Variants in CLPTM1L observed in about 807,000 individuals in gnomAD.
CLPTM1L encodes the protein CLPTM1 like, also known as lipid scramblase CLPTM1L.
In CLPTM1L, 38 loss-of-function variants were observed where a neutral mutation model predicts 70.9. The observed-to-expected ratio is 0.54, with a 90% CI of 0.41 to 0.70. The LOEUF (loss-of-function observed/expected upper bound fraction) is 0.70. Among genes scored for constraint, CLPTM1L ranks in the 30% least tolerant of loss-of-function variants. The probability of loss-of-function intolerance (pLI) is 0.00; values close to 1 mark genes in which losing one functional copy is unlikely to be tolerated. For missense variants in CLPTM1L, 652 were observed against 705.9 expected (o/e 0.92, Z 0.87); for synonymous variants, 339 against 299.9 (o/e 1.13, Z -1.35).
At chr5:1,334,727 C>A (rs1486528263) in intron 6 of CLPTM1L, among the ~76,000 whole-genome samples, 2 of 152,084 alleles carry the variant, frequency 1.3e-5, no homozygotes, top group African/African-American at 4.8e-5. Flanking sequence ...GCACTCCAGC[C>A]TGGGCAACAG....
intron 7 of CLPTM1L, among the ~76,000 whole-genome samples, chr5:1,333,619 T>G (rs1217032871): frequency 7.8e-5 from 9 of 115,984 alleles, no homozygotes; most frequent in Admixed American, 1.0e-4. Context: ...GACTATTGTA[T>G]ACACACCAGA....
intron 5 of CLPTM1L, among the ~76,000 whole-genome samples, chr5:1,336,106 T>C (rs467095): frequency 0.49 from 74,736 of 152,096 alleles, 20,140 homozygotes; most frequent in African/African-American, 0.71. Flanking sequence ...GCGCCCCACG[T>C]AGCCAAGTGG....
chr5:1,340,253 C>T (rs1753856467), intron 3 of CLPTM1L, among the ~76,000 whole-genome samples: 2 of 152,354 alleles, frequency 1.3e-5, no homozygotes, highest in South Asian at 4.1e-4. Flanking sequence ...AGGGCTCACA[C>T]AGCCCTGTGG....
At position 1,320,669 on chromosome 5, in the gene CLPTM1L, C is replaced by T. The variant is rs369802425; in HGVS notation, c.1479G>A (p.Arg493=). The T allele has an allele frequency of 2.6e-6, 4 of 1,548,006 alleles. No individual in the cohort carries two copies. The highest frequency in any genetic ancestry group is 3.5e-6 in the Non-Finnish European group (4 of 1,145,246). The change falls in exon 16 of 17, where the codon CGG becomes CGA. Residue 493 remains arginine (R), a synonymous_variant. Coordinates refer to ENST00000320895, the MANE Select transcript of CLPTM1L (RefSeq NM_030782.5). ...CCACGTCGTCCCGGAAGCAGGCCAGCCGGTGAGACGTGGGCATGGTGATGA... is the reference window on the plus strand; with the variant it reads ...CCACGTCGTCCCGGAAGCAGGCCAGTCGGTGAGACGTGGGCATGGTGATGA... The part of the protein sequence containing the change: ...AFIITMPTSH[R]LACFRDDVVF...
intron 5 of CLPTM1L, 150 bp from the exon 6 acceptor site, chr5:1,335,324 C>G (rs1753503989): frequency 1.5e-6 from 1 of 680,604 alleles, no homozygotes; most frequent in Non-Finnish European, 2.6e-6. Context: ...CCCGGTCCCT[C>G]CTTCTGTCAC....
At chr5:1,325,319 T>C in intron 10 of CLPTM1L, 1 of 250,496 alleles carries the variant, frequency 4.0e-6, no homozygotes, top group African/African-American at 2.2e-5. Flanking sequence ...GCCCCAGCCC[T>C]CATCTGCCTA....
At chr5:1,344,657 C>T (rs755813518) in intron 1 of CLPTM1L, 23 bp downstream of exon 1, 57 of 1,542,528 alleles carry the variant, frequency 3.7e-5, no homozygotes, top group Non-Finnish European at 4.6e-5. Flanking sequence ...ACCCGCCCGG[C>T]CCCCGGCCCC....
intron 9 of CLPTM1L, among the ~76,000 whole-genome samples, chr5:1,329,070 A>G (rs1752892974): frequency 6.6e-6 from 1 of 152,254 alleles, no homozygotes; most frequent in African/African-American, 2.4e-5. Flanking sequence ...CACCAACTGC[A>G]GAGACCTCAG....
Position 1,318,307 on chromosome 5 carries a change from G to T in CLPTM1L, c.*62C>A. ...GCAATGTCTAGGAATTCCTCCAAAT[G>T]CTTCCAAAAATACTCATTGACAATT... On this transcript the variant is annotated 3_prime_UTR_variant, in exon 17 of 17. Transcript: ENST00000320895. The surrounding 1 kb of genome is among the most constrained non-coding windows in gnomAD (Gnocchi z 8.9). 2 of 1,333,778 alleles carry T rather than the reference G, an allele frequency of 1.5e-6. No homozygotes were observed. Among genetic ancestry groups the T allele is most frequent in the Non-Finnish European group, 2.2e-6 (2 of 929,576 alleles). The allele number at this position is 1,333,778 out of a possible 1,614,324, so 82.6% of individuals were successfully genotyped here. A position where few individuals can be genotyped will look rare whatever the true frequency, so the allele number is the denominator to read the frequency against.
At position 1,342,039 on chromosome 5, in the gene CLPTM1L, T is replaced by TGTGCGCGC. The variant is rs3222913; in HGVS notation, c.264-180_264-179insGCGCGCAC. Reference sequence around the variant, plus strand: ...GTGTGTGTGTGTGTGTGTGTGTGTGTGCACGCGCACGCGTGCGCGTCCTGA... The same window carrying TGTGCGCGC: ...GTGTGTGTGTGTGTGTGTGTGTGTGTGTGCGCGCGCACGCGCACGCGTGCGCGTCCTGA... On this transcript the variant is annotated intron_variant, in intron 2 of 16. Transcript: ENST00000320895. The surrounding 1 kb of genome is among the most constrained non-coding windows in gnomAD (Gnocchi z 4.3). Among the ~76,000 whole-genome samples the TGTGCGCGC allele has an allele frequency of 1.1e-3, 164 of 149,086 alleles. 2 individuals are homozygous for TGTGCGCGC. The highest frequency in any genetic ancestry group is 3.8e-3 in the African/African-American group (151 of 39,780).
At position 1,330,379 on chromosome 5, in the gene CLPTM1L, G is replaced by A. The variant is rs377287162; in HGVS notation, c.981C>T (p.Leu327=). The A allele has an allele frequency of 1.1e-5, 17 of 1,612,604 alleles. No homozygotes were observed. Among genetic ancestry groups the A allele is most frequent in the Non-Finnish European group, 1.4e-5 (17 of 1,179,746 alleles). Residue 327 remains leucine (L), a synonymous_variant, in exon 9 of 17, where the codon CTC becomes CTT. Transcript: ENST00000320895. ...SMIGMSTKAV[L]WRCFSTVVIF... The stretch of plus-strand genomic sequence containing the variant: ...TGACCACGGTGCTGAAGCAGCGCCA[G>A]AGCACTGGGGACAGGATGGTCGGGC...
intron 9 of CLPTM1L, among the ~76,000 whole-genome samples, chr5:1,326,907 C>A (rs1247976685): frequency 2.7e-5 from 4 of 150,672 alleles, no homozygotes; most frequent in African/African-American, 9.8e-5. Context: ...TCTACGGACA[C>A]ATTTCATCCA....
chr5:1,341,422 G>A (rs1753927999), intron 3 of CLPTM1L, among the ~76,000 whole-genome samples: 1 of 152,174 alleles, frequency 6.6e-6, no homozygotes, highest in Admixed American at 6.5e-5. Flanking sequence ...CATTCCCCGA[G>A]GGACTCTGCA....
In CLPTM1L at chr5:1,341,690, G is replaced by A. The variant is rs1170551184; in HGVS notation, c.434C>T (p.Thr145Ile). 1.2e-6 allele frequency: 2 copies of A among 1,610,198 alleles called. No individual in the cohort carries two copies. Among genetic ancestry groups the A allele is most frequent in the East Asian group, 2.2e-5 (1 of 44,728 alleles). The part of the protein sequence containing the change: ...VPKPEEINLL[T>I]GESDTQQIEA... ...CCTCACCTGTGTATCAGACTCCCCG[G>A]TGAGCAGGTTGATTTCTTCTGGCTT... The change falls in exon 3 of 17, where the codon ACC becomes ATC. Residue 145 changes from threonine (T) to isoleucine (I), a missense_variant. Physicochemically the swap from Thr to Ile is moderately conservative, Grantham distance 89. Coordinates refer to ENST00000320895, the MANE Select transcript of CLPTM1L (RefSeq NM_030782.5).
intron 5 of CLPTM1L, 141 bp downstream of exon 5, chr5:1,337,763 G>C: frequency 1.4e-6 from 1 of 722,662 alleles, no homozygotes; most frequent in East Asian, 2.7e-5. Flanking sequence ...CACACTCGAA[G>C]GCAGTGCTTC....
chr5:1,335,238 C>A lies in CLPTM1L; in HGVS notation c.679-64G>T, dbSNP rs533914606. The A allele has an allele frequency of 5.8e-5, 75 of 1,297,234 alleles. No homozygotes were observed. In the South Asian group the frequency reaches 8.8e-4, roughly 15 times the overall value. The allele number at this position is 1,297,234 out of a possible 1,614,324, so 80.4% of individuals were successfully genotyped here. On this transcript the variant is annotated intron_variant, in intron 5 of 16. Transcript: ENST00000320895. ...CCCTTGCACCCAGCTGCCTGGCAGC[C>A]CTCGCCAACCCTGCCATCCCCCTTC... is the stretch of plus-strand genomic sequence containing the variant.
intron 7 of CLPTM1L, among the ~76,000 whole-genome samples, chr5:1,333,662 GCTGAGGAT>G (rs1753329175): frequency 2.1e-5 from 2 of 97,036 alleles, no homozygotes; most frequent in African/African-American, 4.1e-5. Context: ...ATACACACCG[GCTGAGGAT>G]AAGGGGGGAC....
At chr5:1,321,198 C>A (rs1206606881) in intron 15 of CLPTM1L, among the ~76,000 whole-genome samples, 1 of 152,246 alleles carries the variant, frequency 6.6e-6, no homozygotes, top group Non-Finnish European at 1.5e-5. Context: ...GCTCCGCCTG[C>A]AATGCCGAGG....
At chr5:1,334,023 C>T (rs1375614418) in intron 7 of CLPTM1L, among the ~76,000 whole-genome samples, 3 of 152,120 alleles carry the variant, frequency 2.0e-5, no homozygotes, top group Non-Finnish European at 2.9e-5. Context: ...TTTTCAAAAC[C>T]GCCCCCAAAG....
Sources: gnomAD v4.1 joint callset for allele counts (sites outside exome capture counted in the v4.1 genomes callset) on GRCh38, gnomAD v4.1.1 for gene constraint, Gnocchi (gnomAD v3.1) non-coding constraint, MANE v1.5 for transcripts, NCBI Gene and HGNC (gene_info 2026-07-23, HGNC 2026-07-21) for gene names.